Variants in MRTFB observed in about 807,000 individuals in gnomAD.
MRTFB encodes the protein myocardin-related transcription factor B.
MRTFB carries 29 observed loss-of-function variants against 104.2 expected under a neutral mutation model. That is an observed-to-expected ratio of 0.28 (90% CI 0.21 to 0.38). MRTFB has a LOEUF of 0.38. Among genes scored for constraint, MRTFB ranks in the 10% least tolerant of loss-of-function variants. The probability of loss-of-function intolerance (pLI) is 1.00; values close to 1 mark genes in which losing one functional copy is unlikely to be tolerated. For missense variants in MRTFB, 1,270 were observed against 1,341.6 expected, an observed-to-expected ratio of 0.95 and a Z score of 0.83; for synonymous variants, 535 against 519.5, an observed-to-expected ratio of 1.03 and a Z score of -0.41.
intron 3 of MRTFB, among the ~76,000 whole-genome samples, chr16:14,206,236 C>T (rs965406379): frequency 6.6e-6 from 1 of 152,196 alleles, no homozygotes; most frequent in Non-Finnish European, 1.5e-5. Context: ...TTTTCAGGGT[C>T]CCTTACCCCT....
At chr16:14,041,148 G>A in the MRTFB span, among the ~76,000 whole-genome samples, 1 of 151,766 alleles carries the variant, frequency 6.6e-6, no homozygotes, top group Non-Finnish European at 1.5e-5. Context: ...GAAGGAAGGA[G>A]TGGGGGGCGG....
intron 1 of MRTFB, among the ~76,000 whole-genome samples, chr16:14,072,962 C>G (rs1238958382): frequency 1.3e-5 from 2 of 152,100 alleles, no homozygotes; most frequent in Non-Finnish European, 2.9e-5. Flanking sequence ...AAAATATTAA[C>G]AAGGTTGAAA....
In MRTFB at chr16:14,242,474, G is replaced by A. The variant is rs573834260; in HGVS notation, c.1079+1990G>A. 1.1e-4 allele frequency among the ~76,000 whole-genome samples: 17 copies of A among 152,238 alleles called. No homozygotes were observed. In the South Asian group the frequency reaches 1.9e-3, roughly 17 times the overall value. On this transcript the variant is annotated intron_variant, in intron 10 of 16. Transcript: ENST00000571589. ...TCAATTTCCAGATCCTAAAAATGGAGGCCTTGTTTCCTAACGCATTGTTTA... is the reference window on the plus strand; with the variant it reads ...TCAATTTCCAGATCCTAAAAATGGAAGCCTTGTTTCCTAACGCATTGTTTA...
chr16:14,201,187 C>T (rs1158413316), intron 3 of MRTFB, among the ~76,000 whole-genome samples: 2 of 152,154 alleles, frequency 1.3e-5, no homozygotes, highest in Non-Finnish European at 2.9e-5. Flanking sequence ...GCACTAGAAA[C>T]ATTGTCAAGA....
chr16:14,202,119 C>CAA (rs57738397), intron 3 of MRTFB, among the ~76,000 whole-genome samples: 22 of 105,220 alleles, frequency 2.1e-4, no homozygotes, highest in Non-Finnish European at 3.6e-4. Context: ...GTTTACAAGG[C>CAA]AAAAAAAAAA....
At position 14,119,700 on chromosome 16, in the gene MRTFB, T is replaced by A. The variant is rs367982969; in HGVS notation, c.-63-20844T>A. Among the ~76,000 whole-genome samples the A allele has an allele frequency of 3.6e-3, 544 of 151,618 alleles. 1 individual carries two copies. Among genetic ancestry groups the A allele is most frequent in the African/African-American group, 0.013 (519 of 41,354 alleles). The stretch of plus-strand genomic sequence containing the variant: ...AAAAATCTGGTCTGTTTTAAACTTA[T>A]TTTTTTTTAAGTTTTAGTTTGATTA... On this transcript the variant is annotated intron_variant, in intron 2 of 16. Coordinates refer to ENST00000571589, the MANE Select transcript of MRTFB (RefSeq NM_001308142.2).
chr16:14,250,375 C>G (rs1298856239), intron 13 of MRTFB, among the ~76,000 whole-genome samples: 1 of 152,148 alleles, frequency 6.6e-6, no homozygotes. Context: ...GTTACAATAT[C>G]AGCAGTATGG....
At chr16:14,178,886 A>G (rs2039676121) in intron 3 of MRTFB, among the ~76,000 whole-genome samples, 1 of 151,974 alleles carries the variant, frequency 6.6e-6, no homozygotes, top group Non-Finnish European at 1.5e-5. Context: ...AGTAGCTGGG[A>G]CCAGAGGTGC....
In MRTFB at chr16:14,266,210, T is replaced by C. The variant is rs1321159980; in HGVS notation, c.*4766T>C. ...TTTAAGGTTATAATTTTCACTAAGA[T>C]GTAGATATTTCTCTTATTGTTTTCA... On this transcript the variant is annotated 3_prime_UTR_variant, in exon 17 of 17. Transcript: ENST00000571589. 2.0e-5 allele frequency: 3 copies of C among 152,242 alleles called. No homozygotes were observed. Among genetic ancestry groups the C allele is most frequent in the Non-Finnish European group, 4.4e-5 (3 of 68,040 alleles). 9.4% of individuals were successfully genotyped at this position (152,242 alleles called of 1,614,324 possible). A position where few individuals can be genotyped will look rare whatever the true frequency, so the allele number is the denominator to read the frequency against.
the MRTFB span, among the ~76,000 whole-genome samples, chr16:14,022,086 A>G: frequency 2.6e-5 from 4 of 152,220 alleles, no homozygotes; most frequent in African/African-American, 9.6e-5. Flanking sequence ...ACCAAAAAAA[A>G]TCCAGGATAA....
At chr16:14,222,453 C>G (rs1425710587) in intron 8 of MRTFB, among the ~76,000 whole-genome samples, 1 of 151,804 alleles carries the variant, frequency 6.6e-6, no homozygotes, top group Non-Finnish European at 1.5e-5. Flanking sequence ...CACCAGCTAT[C>G]GTTAATGTTA....
intron 3 of MRTFB, among the ~76,000 whole-genome samples, chr16:14,156,938 T>A (rs559280518): frequency 6.6e-6 from 1 of 152,284 alleles, no homozygotes; most frequent in South Asian, 2.1e-4. Flanking sequence ...ACCATCCTTT[T>A]CACACCCTCC....
chr16:14,016,181 T>A, the MRTFB span, among the ~76,000 whole-genome samples: 1 of 152,090 alleles, frequency 6.6e-6, no homozygotes, highest in Admixed American at 6.6e-5. Context: ...TTAGATCAAA[T>A]GAAGGAACAG....
rs185288390 is a variant in MRTFB at position 14,227,860 on chromosome 16, A to G, written c.694-6286A>G. Among the ~76,000 whole-genome samples, 141 of 152,166 alleles carry G rather than the reference A, an allele frequency of 9.3e-4. 1 individual carries two copies. Among genetic ancestry groups the G allele is most frequent in the Admixed American group, 6.9e-3 (105 of 15,286 alleles). On this transcript the variant is annotated intron_variant, in intron 8 of 16. Coordinates refer to ENST00000571589, the MANE Select transcript of MRTFB (RefSeq NM_001308142.2). ...ACAGACTAAGACAGGACTAATATCTAATGTACAAAAAGAACTCCCACAACT... is the reference window on the plus strand; with the variant it reads ...ACAGACTAAGACAGGACTAATATCTGATGTACAAAAAGAACTCCCACAACT...
At chr16:14,204,264 C>T (rs866487526) in intron 3 of MRTFB, among the ~76,000 whole-genome samples, 2 of 152,184 alleles carry the variant, frequency 1.3e-5, no homozygotes. Flanking sequence ...GCATGAAGCA[C>T]CGAGTTTGGC....
At chr16:14,093,760 GT>G (rs2035213458) in intron 2 of MRTFB, among the ~76,000 whole-genome samples, 1 of 152,116 alleles carries the variant, frequency 6.6e-6, no homozygotes, top group African/African-American at 2.4e-5. Context: ...AAAATCCTGG[GT>G]TTGAGTTCTG....
At chr16:14,164,862 G>T (rs1381243533) in intron 3 of MRTFB, among the ~76,000 whole-genome samples, 1 of 151,536 alleles carries the variant, frequency 6.6e-6, no homozygotes, top group Non-Finnish European at 1.5e-5. Flanking sequence ...TCAATTATGA[G>T]CATTTTTGCT....
rs1017123188 is a variant in MRTFB, at chr16:14,260,964, G to A, written c.2820G>A (p.Val940=). 16 of 1,614,018 alleles carry A rather than the reference G, an allele frequency of 9.9e-6. No homozygotes were observed. Among genetic ancestry groups the A allele is most frequent in the Non-Finnish European group, 1.3e-5 (15 of 1,179,994 alleles). ...EPSPISKMRP[V]TASITTMPVN... is the part of the protein sequence containing the mutation. ...CTCCTATTTCCAAAATGAGACCAGTGACAGCCAGCATCACCACAATGCCAG... is the reference window on the plus strand; with the variant it reads ...CTCCTATTTCCAAAATGAGACCAGTAACAGCCAGCATCACCACAATGCCAG... Residue 940 remains valine (V), a synonymous_variant, in exon 17 of 17, where the codon GTG becomes GTA. Coordinates refer to ENST00000571589, the MANE Select transcript of MRTFB (RefSeq NM_001308142.2).
chr16:14,112,871 A>G (rs1241788202), intron 2 of MRTFB, among the ~76,000 whole-genome samples: 1 of 152,096 alleles, frequency 6.6e-6, no homozygotes, highest in Non-Finnish European at 1.5e-5. Context: ...TGGACACCCT[A>G]TCTGAAATGG....
Sources: gnomAD v4.1 joint callset for allele counts (sites outside exome capture counted in the v4.1 genomes callset) on GRCh38, gnomAD v4.1.1 for gene constraint, MANE v1.5 for transcripts, NCBI Gene and HGNC (gene_info 2026-07-23, HGNC 2026-07-21) for gene names.